The following RARB variants were observed in gnomAD, a reference collection of about 807,000 sequenced individuals.
RARB encodes the protein HBV-activated protein.
A neutral mutation model predicts 51.9 loss-of-function variants in RARB; 17 were observed. The ratio of observed to expected loss-of-function variants is 0.33; its 90% CI spans 0.22 to 0.49. The LOEUF (loss-of-function observed/expected upper bound fraction) is 0.49. Among genes scored for constraint, RARB ranks in the 20% least tolerant of loss-of-function variants. The probability of loss-of-function intolerance (pLI) is 0.99; values close to 1 mark genes in which losing one functional copy is unlikely to be tolerated. For missense variants in RARB, 369 were observed against 550.8 expected, an observed-to-expected ratio of 0.67 and a Z score of 3.30; for synonymous variants, 215 against 195.4, an observed-to-expected ratio of 1.10 and a Z score of -0.84.
intron 2 of RARB, among the ~76,000 whole-genome samples, chr3:25,024,309 G>A (rs1697698600): frequency 6.6e-6 from 1 of 152,096 alleles, no homozygotes; most frequent in African/African-American, 2.4e-5. Flanking sequence ...ATTATTTATT[G>A]ACTGTTAGTT....
intron 2 of RARB, among the ~76,000 whole-genome samples, chr3:24,895,805 A>G (rs1481221580): frequency 6.6e-6 from 1 of 152,156 alleles, no homozygotes; most frequent in East Asian, 1.9e-4. Flanking sequence ...GGTGGAAAAC[A>G]GGGCAGTTCA....
chr3:25,255,358 C>T (rs911282282), intron 5 of RARB, among the ~76,000 whole-genome samples: 11 of 152,176 alleles, frequency 7.2e-5, no homozygotes, highest in African/African-American at 2.2e-4. Flanking sequence ...CAATTTCCCT[C>T]ATACCTTGAA....
At chr3:25,523,095 A>C (rs1048529873) in intron 3 of RARB, among the ~76,000 whole-genome samples, 8 of 152,204 alleles carry the variant, frequency 5.3e-5, no homozygotes, top group African/African-American at 1.9e-4. Context: ...CACACAGTGG[A>C]ATCACAGCCA....
chr3:25,439,104 C>G (rs1046397611), intron 1 of RARB, among the ~76,000 whole-genome samples: 1 of 152,168 alleles, frequency 6.6e-6, no homozygotes, highest in Non-Finnish European at 1.5e-5. Context: ...CTCTAGTTTA[C>G]TGGTAACCCT....
At chr3:25,345,799 G>A (rs1012655497) in intron 5 of RARB, 16 of 422,088 alleles carry the variant, frequency 3.8e-5, no homozygotes, top group Non-Finnish European at 5.1e-5. Context: ...GAGTGATTGT[G>A]CATGAAATGA....
In RARB at chr3:25,446,839, A is replaced by C. The variant is rs544353671; in HGVS notation, c.158-14354A>C. On this transcript the variant is annotated intron_variant, in intron 1 of 7. Transcript: ENST00000330688. ...AAAAAAAAAAAAAAAAAATTAAAAA[A>C]TGAATAGGACTGTTAGGAATATAAA... Among the ~76,000 whole-genome samples, 415 of 150,824 alleles carry C rather than the reference A, an allele frequency of 2.8e-3. 3 individuals are homozygous for C. The highest frequency in any genetic ancestry group is 9.6e-3 in the African/African-American group (396 of 41,120).
At chr3:24,872,337 C>A (rs1156741743) in intron 2 of RARB, among the ~76,000 whole-genome samples, 1 of 152,204 alleles carries the variant, frequency 6.6e-6, no homozygotes, top group African/African-American at 2.4e-5. Context: ...CTTACCTAAT[C>A]CACTTTCCTA....
chr3:25,161,115 C>T (rs927687825), intron 4 of RARB, among the ~76,000 whole-genome samples: 2 of 151,842 alleles, frequency 1.3e-5, no homozygotes, highest in African/African-American at 2.4e-5. Context: ...TGGGTTCAAG[C>T]GATTCTCCTG....
intron 2 of RARB, among the ~76,000 whole-genome samples, chr3:25,052,306 G>A (rs1289543591): frequency 6.6e-6 from 1 of 152,058 alleles, no homozygotes; most frequent in Non-Finnish European, 1.5e-5. Flanking sequence ...ACACCTAACT[G>A]CCTCCCAAAT....
At chr3:25,516,193 A>G (rs17591006) in intron 3 of RARB, among the ~76,000 whole-genome samples, 7,893 of 152,272 alleles carry the variant, frequency 0.052, 235 homozygotes, top group Non-Finnish European at 0.071. Context: ...TTTTAGGGCT[A>G]TGCACTCCAA....
intron 5 of RARB, among the ~76,000 whole-genome samples, chr3:25,275,402 A>C (rs952482128): frequency 6.6e-6 from 1 of 152,158 alleles, no homozygotes; most frequent in Non-Finnish European, 1.5e-5. Flanking sequence ...TGGAAGCTGC[A>C]GTGAGCCGTG....
chr3:25,097,917 C>G (rs1269873991), intron 3 of RARB, among the ~76,000 whole-genome samples: 3 of 152,138 alleles, frequency 2.0e-5, no homozygotes, highest in Non-Finnish European at 4.4e-5. Flanking sequence ...TTGGGTTAGA[C>G]TTAAGATTCA....
intron 5 of RARB, among the ~76,000 whole-genome samples, chr3:25,220,124 A>G (rs919929244): frequency 2.6e-5 from 4 of 152,246 alleles, no homozygotes; most frequent in African/African-American, 9.6e-5. Flanking sequence ...ACCTGTAGCC[A>G]TAAATTAAAT....
intron 4 of RARB, among the ~76,000 whole-genome samples, chr3:25,172,072 A>G (rs868266891): frequency 9.8e-5 from 15 of 152,308 alleles, no homozygotes; most frequent in African/African-American, 3.4e-4. Flanking sequence ...CCAACAGGCA[A>G]TGTCATCTCC....
Position 25,549,765 on chromosome 3 carries a change from T to C in RARB, c.449-19993T>C, listed in dbSNP as rs373532407. On this transcript the variant is annotated intron_variant, in intron 3 of 7. Transcript: ENST00000330688. Reference sequence around the variant, plus strand: ...GAAAGTCATAGTTTGCTGCCATTTATTGAGTGCTGGGCCTTTTCAACACCT... The same window carrying C: ...GAAAGTCATAGTTTGCTGCCATTTACTGAGTGCTGGGCCTTTTCAACACCT... Among the ~76,000 whole-genome samples, 31 of 152,302 alleles carry C rather than the reference T, an allele frequency of 2.0e-4. 1 individual carries two copies. Among genetic ancestry groups the C allele is most frequent in the African/African-American group, 7.2e-4 (30 of 41,566 alleles).
chr3:25,093,730 C>T (rs1051612162), intron 3 of RARB, among the ~76,000 whole-genome samples: 1 of 151,882 alleles, frequency 6.6e-6, no homozygotes, highest in African/African-American at 2.4e-5. Context: ...CTCATGATGA[C>T]CATAGCTCCA....
intron 5 of RARB, among the ~76,000 whole-genome samples, chr3:25,345,664 CA>C (rs71061207): frequency 0.04 from 3,893 of 96,360 alleles, 25 homozygotes; most frequent in African/African-American, 0.074. Context: ...GACTCCGTCT[CA>C]AAAAAAAAAA....
At chr3:24,934,551 T>C (rs1695510060) in intron 2 of RARB, among the ~76,000 whole-genome samples, 1 of 152,122 alleles carries the variant, frequency 6.6e-6, no homozygotes, top group African/African-American at 2.4e-5. Flanking sequence ...TCATACCTGT[T>C]GATAGAAATG....
intron 2 of RARB, among the ~76,000 whole-genome samples, chr3:24,977,585 A>T (rs1696545869): frequency 6.6e-6 from 1 of 152,118 alleles, no homozygotes; most frequent in Non-Finnish European, 1.5e-5. Flanking sequence ...TGTATAGGAA[A>T]GCTTGTGAAT....
Sources: allele counts gnomAD v4.1 joint callset (sites outside exome capture counted in the v4.1 genomes callset), GRCh38; gene constraint gnomAD v4.1.1; transcripts MANE v1.5; gene names NCBI Gene and HGNC (gene_info 2026-07-23, HGNC 2026-07-21).